TRIM67: variants seen among roughly 807,000 people sequenced by gnomAD.
TRIM67 encodes the protein tripartite motif-containing protein 67.
In TRIM67, 39 loss-of-function variants were observed where a neutral mutation model predicts 71.0. The ratio of observed to expected loss-of-function variants is 0.55; its 90% CI spans 0.43 to 0.72. The LOEUF is 0.72. TRIM67 is among the 30% of genes least tolerant of loss of function. The probability of loss-of-function intolerance (pLI) is 0.00; values close to 1 mark genes in which losing one functional copy is unlikely to be tolerated. For missense variants in TRIM67, 973 were observed against 1,079.2 expected (o/e 0.90, Z 1.38); for synonymous variants, 481 against 473.9 (o/e 1.01, Z -0.19).
At position 231,218,968 on chromosome 1, in the gene TRIM67, T is replaced by A; in HGVS notation, c.*3528T>A. 2 of 985,472 alleles carry A rather than the reference T, an allele frequency of 2.0e-6. No homozygotes were observed. The highest frequency in any genetic ancestry group is 2.4e-6 in the Non-Finnish European group (2 of 829,944). The allele number at this position is 985,472 out of a possible 1,614,324, so 61.0% of individuals were successfully genotyped here. On this transcript the variant is annotated 3_prime_UTR_variant, in exon 10 of 10. Transcript: ENST00000366653. Reference sequence around the variant, plus strand: ...TATTTCTTCCAGGGATATTTGCATTTAAGCCTTAATTCTCATTGCAAGCGA... The same window carrying A: ...TATTTCTTCCAGGGATATTTGCATTAAAGCCTTAATTCTCATTGCAAGCGA...
chr1:231,191,209 G>C (rs573071872), intron 1 of TRIM67, among the ~76,000 whole-genome samples: 84 of 152,276 alleles, frequency 5.5e-4, no homozygotes, highest in Middle Eastern at 3.4e-3. Flanking sequence ...GACTACAGGT[G>C]TATACCACCA....
At chr1:231,186,637 C>T in intron 1 of TRIM67, among the ~76,000 whole-genome samples, 1 of 152,216 alleles carries the variant, frequency 6.6e-6, no homozygotes, top group South Asian at 2.1e-4. Context: ...GACACCAGTC[C>T]TGCTGGATTA....
chr1:231,164,091 G>A (rs1682384672), intron 1 of TRIM67, 78 bp downstream of exon 1: 2 of 1,353,428 alleles, frequency 1.5e-6, no homozygotes, highest in Admixed American at 3.2e-5. Context: ...CTCCCTTGGA[G>A]AGCTGACAGA....
At chr1:231,196,301 C>T (rs997957581) in intron 1 of TRIM67, among the ~76,000 whole-genome samples, 6 of 152,034 alleles carry the variant, frequency 3.9e-5, no homozygotes, top group Admixed American at 2.0e-4. Context: ...AAATGAGAGT[C>T]ATGTAAAAAT....
At chr1:231,198,414 T>C (rs991722188) in intron 2 of TRIM67, among the ~76,000 whole-genome samples, 3 of 151,604 alleles carry the variant, frequency 2.0e-5, no homozygotes, top group African/African-American at 7.3e-5. Context: ...TGAGACAGAG[T>C]CTCACTCTGT....
At chr1:231,185,908 A>T (rs984028211) in intron 1 of TRIM67, among the ~76,000 whole-genome samples, 3 of 151,958 alleles carry the variant, frequency 2.0e-5, no homozygotes, top group African/African-American at 7.3e-5. Context: ...GGACGTGGGC[A>T]AGCTGAGCTA....
At position 231,217,914 on chromosome 1, in the gene TRIM67, CA is replaced by C; in HGVS notation, c.*2475del. 1 of 1,286,162 alleles carries C rather than the reference CA, an allele frequency of 7.8e-7. No homozygotes were observed. The highest frequency in any genetic ancestry group is 1.2e-5 in the South Asian group (1 of 80,514). The allele number at this position is 1,286,162 out of a possible 1,614,324, so 79.7% of individuals were successfully genotyped here. ...TCCCTGAAGTCCAGAGAGGTGCAGC[CA>C]GGACTCCCTCCTCCCCACTGCCACC... On this transcript the variant is annotated 3_prime_UTR_variant, in exon 10 of 10. Coordinates refer to ENST00000366653, the MANE Select transcript of TRIM67 (RefSeq NM_001004342.5).
At chr1:231,172,499 G>A (rs1443179495) in intron 1 of TRIM67, among the ~76,000 whole-genome samples, 1 of 152,180 alleles carries the variant, frequency 6.6e-6, no homozygotes, top group Non-Finnish European at 1.5e-5. Context: ...GTGGTGTGGA[G>A]GAGAGAGAGG....
Position 231,206,751 on chromosome 1 carries a change from G to A in TRIM67, c.1780G>A (p.Gly594Arg), listed in dbSNP as rs778976146. The A allele has an allele frequency of 2.9e-5, 46 of 1,610,312 alleles. No homozygotes were observed. Among genetic ancestry groups the A allele is most frequent in the South Asian group, 7.8e-5 (7 of 90,288 alleles). Residue 594 changes from glycine to arginine, a missense_variant, in exon 7 of 10, where the codon GGG (glycine) becomes AGG (arginine). By Grantham distance (125) the Gly-to-Arg change is moderately radical. This residue lies in a region of TRIM67 where 795 missense variants were observed against 831.3 expected (regional missense o/e 0.96). Transcript: ENST00000366653. ...CAAAGCTTTCAACTCTTCTGGTGTC[G>A]GGCCTTACAGTAAAACTGTCGTCCT... ...RVKAFNSSGV[G>R]PYSKTVVLQT...
intron 6 of TRIM67, 91 bp downstream of exon 6, chr1:231,204,103 T>C: frequency 6.5e-7 from 1 of 1,549,180 alleles, no homozygotes; most frequent in South Asian, 1.2e-5. Flanking sequence ...GTTCAGCCCA[T>C]GGGGACATTG....
At chr1:231,203,059 G>C (rs563291853) in intron 5 of TRIM67, among the ~76,000 whole-genome samples, 50 of 152,292 alleles carry the variant, frequency 3.3e-4, no homozygotes, top group Admixed American at 3.2e-3. Context: ...CTGGGAGTCA[G>C]TCTGTGCTCA....
chr1:231,202,529 G>C (rs748396721), intron 5 of TRIM67, among the ~76,000 whole-genome samples: 6 of 152,124 alleles, frequency 3.9e-5, no homozygotes, highest in Non-Finnish European at 8.8e-5. Context: ...ATCAGCAAAT[G>C]CTGGCCAGAA....
At chr1:231,203,765 T>C (rs1683616144) in intron 5 of TRIM67, 102 bp from the exon 6 acceptor site, 5 of 1,438,914 alleles carry the variant, frequency 3.5e-6, no homozygotes, top group Non-Finnish European at 4.6e-6. Flanking sequence ...TTAGCCTGGC[T>C]GTCCTCTGGA....
At chr1:231,169,143 G>A (rs982102487) in intron 1 of TRIM67, among the ~76,000 whole-genome samples, 11 of 152,048 alleles carry the variant, frequency 7.2e-5, no homozygotes, top group African/African-American at 1.9e-4. Context: ...TGCAACCTCC[G>A]CCTCTGGGGT....
chr1:231,197,040 G>A (rs753452185), intron 1 of TRIM67, among the ~76,000 whole-genome samples: 5 of 152,208 alleles, frequency 3.3e-5, no homozygotes, highest in Non-Finnish European at 7.3e-5. Flanking sequence ...AGGGGGCCAG[G>A]CCAAGCCAAG....
At chr1:231,214,531 C>A (rs898658524) in intron 9 of TRIM67, among the ~76,000 whole-genome samples, 1 of 152,134 alleles carries the variant, frequency 6.6e-6, no homozygotes, top group Non-Finnish European at 1.5e-5. Flanking sequence ...AATCCCAGCA[C>A]TTTGGGAGGC....
At chr1:231,175,830 G>A (rs1053789880) in intron 1 of TRIM67, among the ~76,000 whole-genome samples, 10 of 152,222 alleles carry the variant, frequency 6.6e-5, no homozygotes, top group African/African-American at 2.4e-4. Flanking sequence ...ATCCTTGAGT[G>A]ATTCCTGCCA....
chr1:231,167,807 G>T (rs73114165), intron 1 of TRIM67, among the ~76,000 whole-genome samples: 8,299 of 152,074 alleles, frequency 0.055, 726 homozygotes, highest in African/African-American at 0.18. Flanking sequence ...TCAGCCTGCT[G>T]TCTTACCTTA....
chr1:231,219,808 A>G lies in TRIM67; in HGVS notation c.*4368A>G. ...GAGCCGGTAGCTGTGTTTGTTGACC[A>G]CATTCTTTGGCAGTTCCTCCCAGAA... is the stretch of plus-strand genomic sequence containing the variant. On this transcript the variant is annotated 3_prime_UTR_variant, in exon 10 of 10. Coordinates refer to ENST00000366653, the MANE Select transcript of TRIM67 (RefSeq NM_001004342.5). The G allele has an allele frequency of 7.9e-7, 1 of 1,272,596 alleles. No homozygotes were observed. The highest frequency in any genetic ancestry group is 1.0e-6 in the Non-Finnish European group (1 of 979,236). 78.8% of individuals were successfully genotyped at this position (1,272,596 alleles called of 1,614,324 possible). A position where few individuals can be genotyped will look rare whatever the true frequency, so the allele number is the denominator to read the frequency against.
Sources: gnomAD v4.1 joint callset for allele counts (sites outside exome capture counted in the v4.1 genomes callset) on GRCh38, gnomAD v4.1.1 for gene constraint, gnomAD v4.1.1 regional missense constraint, MANE v1.5 for transcripts, NCBI Gene and HGNC (gene_info 2026-07-23, HGNC 2026-07-21) for gene names.